Variants in RASGRP3 observed in about 807,000 individuals in gnomAD.
RASGRP3 encodes RAS guanyl releasing protein 3.
Under a neutral mutation model 82.7 loss-of-function variants are expected in RASGRP3, and 54 were observed. The observed-to-expected ratio is 0.65, with a 90% CI of 0.52 to 0.82. The LOEUF (loss-of-function observed/expected upper bound fraction) is 0.82. Ranked by LOEUF, RASGRP3 falls within the 40% of genes least tolerant of loss-of-function variation. The pLI is 0.00. For missense variants in RASGRP3, 861 were observed against 828.9 expected (o/e 1.04, Z -0.48); for synonymous variants, 309 against 300.5 (o/e 1.03, Z -0.29).
intron 1 of RASGRP3, among the ~76,000 whole-genome samples, chr2:33,491,553 G>T (rs1668845592): frequency 6.6e-6 from 1 of 152,170 alleles, no homozygotes; most frequent in Non-Finnish European, 1.5e-5. Flanking sequence ...ATCCTGTGGA[G>T]AAAGACATTA....
chr2:33,537,694 A>C (rs984793720), intron 11 of RASGRP3, among the ~76,000 whole-genome samples: 2 of 152,146 alleles, frequency 1.3e-5, no homozygotes, highest in African/African-American at 4.8e-5. Flanking sequence ...AAAGATAGAA[A>C]AAAATAGATT....
chr2:33,502,595 C>T (rs1440917782), intron 1 of RASGRP3, among the ~76,000 whole-genome samples: 4 of 151,228 alleles, frequency 2.6e-5, no homozygotes, highest in African/African-American at 4.9e-5. Flanking sequence ...TCACTACAAC[C>T]TCCGCCTCCC....
chr2:33,522,931 C>A (rs1228008710), intron 7 of RASGRP3, among the ~76,000 whole-genome samples: 1 of 152,202 alleles, frequency 6.6e-6, no homozygotes, highest in East Asian at 1.9e-4. Context: ...GAGTCCCCTG[C>A]ACAGTTTATA....
rs1260562029 is a variant in RASGRP3 at position 33,522,009 on chromosome 2, G to T, written c.423G>T (p.Lys141Asn). Reference sequence around the variant, plus strand: ...CACAGAGGAAAAAAGTATCCAAGAAGGGAAAAGCCTGTCTGCTGTTTGACC... The same window carrying T: ...CACAGAGGAAAAAAGTATCCAAGAATGGAAAAGCCTGTCTGCTGTTTGACC... ...RVTQRKKVSKKGKACLLFDHL... is the reference protein window; with the variant it reads ...RVTQRKKVSKNGKACLLFDHL... The change falls in exon 7 of 18, where the codon AAG (lysine) becomes AAT (asparagine). Residue 141 changes from lysine (K) to asparagine (N), a missense_variant. Physicochemically the swap from Lys to Asn is moderately conservative, Grantham distance 94 (BLOSUM62 0). Transcript: ENST00000403687. 1.2e-6 allele frequency: 2 copies of T among 1,613,840 alleles called. No individual in the cohort carries two copies. Among genetic ancestry groups the T allele is most frequent in the South Asian group, 1.1e-5 (1 of 91,060 alleles).
In RASGRP3 at chr2:33,495,671, T is replaced by A. The variant is rs527832193; in HGVS notation, c.-260-16039T>A. 4.7e-4 allele frequency among the ~76,000 whole-genome samples: 71 copies of A among 152,330 alleles called. 1 individual carries two copies. The highest frequency in any genetic ancestry group is 9.0e-4 in the Non-Finnish European group (61 of 68,018). On this transcript the variant is annotated intron_variant, in intron 1 of 17. Coordinates refer to ENST00000403687, the MANE Select transcript of RASGRP3 (RefSeq NM_001139488.2). ...CTCTGGGAGGCTGAGGCAGAAGGAC[T>A]GCTTGAGCCCAGGAATCTGAGACCA... is the stretch of plus-strand genomic sequence containing the variant.
At chr2:33,475,464 A>T (rs114367789), upstream of RASGRP3, among the ~76,000 whole-genome samples, 1,886 of 152,334 alleles carry the variant, frequency 0.012, 33 homozygotes, top group African/African-American at 0.044. Context: ...ATTATGTGTT[A>T]AAAATCAGGG....
intron 1 of RASGRP3, among the ~76,000 whole-genome samples, chr2:33,477,548 T>C (rs569367112): frequency 6.6e-6 from 1 of 152,368 alleles, no homozygotes; most frequent in South Asian, 2.1e-4. Context: ...CTGGGAGGCC[T>C]GGCATCCAAA....
At position 33,520,664 on chromosome 2, in the gene RASGRP3, C is replaced by T; in HGVS notation, c.348C>T (p.Ser116=). 6.2e-7 allele frequency: 1 copy of T among 1,613,968 alleles called. No homozygotes were observed. The change falls in exon 6 of 18, where the codon AGC becomes AGT. Residue 116 remains serine (S), a synonymous_variant. Transcript: ENST00000403687. ...ASQLGYEKHV[S]LIDISSIPSY... ...AACTAGGATATGAAAAACACGTCAG[C>T]CTCATCGACATATCCAGCATGTAAG...
At chr2:33,437,350 C>T (rs1664982995) in intron 1 of RASGRP3, among the ~76,000 whole-genome samples, 1 of 152,232 alleles carries the variant, frequency 6.6e-6, no homozygotes, top group Non-Finnish European at 1.5e-5. Context: ...CTACTAGGGA[C>T]ATTCCAAATT....
chr2:33,475,906 C>T (rs1011493786), upstream of RASGRP3, among the ~76,000 whole-genome samples: 4 of 152,188 alleles, frequency 2.6e-5, no homozygotes, highest in African/African-American at 7.2e-5. Context: ...TCACACTCGC[C>T]GGCTGATAAT....
intron 1 of RASGRP3, among the ~76,000 whole-genome samples, chr2:33,503,214 AT>A (rs1166593134): frequency 3.3e-5 from 5 of 151,994 alleles, no homozygotes; most frequent in African/African-American, 9.7e-5. Flanking sequence ...TTTGAAATGA[AT>A]TTTTTTTGTT....
chr2:33,557,525 T>C (rs910434344), intron 15 of RASGRP3, among the ~76,000 whole-genome samples: 2 of 151,938 alleles, frequency 1.3e-5, no homozygotes, highest in Admixed American at 6.6e-5. Flanking sequence ...CTGGCTAACA[T>C]GGTGAAACCC....
intron 9 of RASGRP3, among the ~76,000 whole-genome samples, chr2:33,526,751 C>T (rs181911555): frequency 2.0e-5 from 3 of 152,282 alleles, no homozygotes; most frequent in Non-Finnish European, 4.4e-5. Flanking sequence ...AAATTAACCT[C>T]GAGTAATATC....
At chr2:33,544,520 G>A (rs1002089075) in intron 13 of RASGRP3, among the ~76,000 whole-genome samples, 1 of 149,094 alleles carries the variant, frequency 6.7e-6, no homozygotes, top group East Asian at 2.0e-4. Context: ...ATAATGATCT[G>A]AAAAAAAAAA....
At chr2:33,437,336 A>G (rs903245615) in intron 1 of RASGRP3, among the ~76,000 whole-genome samples, 1 of 152,250 alleles carries the variant, frequency 6.6e-6, no homozygotes, top group Admixed American at 6.5e-5. Context: ...AAAAACTTGG[A>G]AAGCTACTAG....
chr2:33,485,472 G>A (rs569871908), intron 1 of RASGRP3, among the ~76,000 whole-genome samples: 1 of 152,212 alleles, frequency 6.6e-6, no homozygotes, highest in Non-Finnish European at 1.5e-5. Flanking sequence ...GGGTGCTACT[G>A]CAGAGCTAAG....
chr2:33,535,545 G>A (rs1315820579), intron 11 of RASGRP3, among the ~76,000 whole-genome samples: 8 of 148,560 alleles, frequency 5.4e-5, no homozygotes, highest in Non-Finnish European at 1.2e-4. Flanking sequence ...GAGACAGAAT[G>A]GCAGTGAGAG....
intron 9 of RASGRP3, 29 bp downstream of exon 9, chr2:33,524,577 T>A: frequency 6.8e-7 from 1 of 1,472,170 alleles, no homozygotes. Flanking sequence ...TAATCAAAAG[T>A]AAAAAAATGC....
intron 13 of RASGRP3, among the ~76,000 whole-genome samples, chr2:33,544,342 A>T (rs1674543089): frequency 1.3e-5 from 2 of 152,148 alleles, no homozygotes; most frequent in Admixed American, 1.3e-4. Flanking sequence ...TATAGTCTTC[A>T]TTAAAGCAGA....
Sources: gnomAD v4.1 joint callset for allele counts (sites outside exome capture counted in the v4.1 genomes callset) on GRCh38, gnomAD v4.1.1 for gene constraint, MANE v1.5 for transcripts, NCBI Gene and HGNC (gene_info 2026-07-23, HGNC 2026-07-21) for gene names.